The following CACNA1B variants were observed in gnomAD, a reference collection of about 807,000 sequenced individuals.
CACNA1B encodes voltage-dependent N-type calcium channel subunit alpha-1B.
Under a neutral mutation model 247.2 loss-of-function variants are expected in CACNA1B, and 70 were observed. The observed-to-expected ratio is 0.28, with a 90% CI of 0.23 to 0.35. The LOEUF (loss-of-function observed/expected upper bound fraction) is 0.35, where lower values mean the gene tolerates loss of function less well. Among genes scored for constraint, CACNA1B ranks in the 10% least tolerant of loss-of-function variants. CACNA1B has a pLI of 1.00. For missense variants in CACNA1B, 2,367 were observed against 3,197.4 expected (o/e 0.74, Z 6.26); for synonymous variants, 1,231 against 1,294.4 (o/e 0.95, Z 1.05).
chr9:138,117,870 G>A, intron 42 of CACNA1B, 76 bp from the exon 43 acceptor site: 2 of 1,230,410 alleles, frequency 1.6e-6, no homozygotes, highest in Non-Finnish European at 2.2e-6. Context: ...CGCCTGGCAG[G>A]TTGAAGCACC....
Position 137,891,799 on chromosome 9 carries a change from C to T in CACNA1B, c.530+8916C>T. 2.8e-6 allele frequency: 1 copy of T among 351,000 alleles called. No homozygotes were observed. 21.7% of individuals were successfully genotyped at this position (351,000 alleles called of 1,614,324 possible). ...GTGCCTGTGTGCAGCCCCACACGTG[C>T]TGAAGCATCTCTACTCCAGCCAGAC... is the stretch of plus-strand genomic sequence containing the variant. On this transcript the variant is annotated intron_variant, in intron 3 of 46. Coordinates refer to ENST00000371372, the MANE Select transcript of CACNA1B (RefSeq NM_000718.4). This position sits in a 1 kb window ranked among gnomAD's most constrained non-coding sequence, Gnocchi z 4.3.
chr9:138,000,481 A>G (rs1958563173), intron 15 of CACNA1B, among the ~76,000 whole-genome samples: 2 of 152,250 alleles, frequency 1.3e-5, no homozygotes, highest in South Asian at 4.1e-4. Context: ...TTTCATAATT[A>G]TAAAAGAAAT....
chr9:138,011,161 C>T lies in CACNA1B; in HGVS notation c.2160+1084C>T, dbSNP rs180845420. Among the ~76,000 whole-genome samples, 37 of 152,318 alleles carry T rather than the reference C, an allele frequency of 2.4e-4. No individual in the cohort carries two copies. The highest frequency in any genetic ancestry group is 3.4e-3 in the Middle Eastern group (1 of 294). On this transcript the variant is annotated intron_variant, in intron 17 of 46. Coordinates refer to ENST00000371372, the MANE Select transcript of CACNA1B (RefSeq NM_000718.4). The surrounding 1 kb of genome is among the most constrained non-coding windows in gnomAD (Gnocchi z 4.2). The stretch of plus-strand genomic sequence containing the variant: ...TCTCTGTTCCTGTCTTCAGCTGGGC[C>T]GCTTGGGTTGGGGGAGCCCAAGCCC...
Position 138,086,922 on chromosome 9 carries a change from A to AAAT in CACNA1B, c.5094+8664_5094+8665insAAT, listed in dbSNP as rs1960711455. Among the ~76,000 whole-genome samples the AAAT allele has an allele frequency of 2.0e-5, 3 of 151,216 alleles. No individual in the cohort carries two copies. In the South Asian group the frequency reaches 6.3e-4, roughly 32 times the overall value. Reference sequence around the variant, plus strand: ...GAGAGATCAGATGTTAGGCCACAAAACAAGTCTCAACAAATGTAAAATAAT... The same window carrying AAAT: ...GAGAGATCAGATGTTAGGCCACAAAAAATCAAGTCTCAACAAATGTAAAATAAT... On this transcript the variant is annotated intron_variant, in intron 36 of 46. Coordinates refer to ENST00000371372, the MANE Select transcript of CACNA1B (RefSeq NM_000718.4).
chr9:138,101,961 C>T (rs1961266669), intron 37 of CACNA1B, among the ~76,000 whole-genome samples: 1 of 152,152 alleles, frequency 6.6e-6, no homozygotes, highest in Admixed American at 6.5e-5. Context: ...TGCAACCTGC[C>T]CCTTTGCTGT....
intron 39 of CACNA1B, 98 bp from the exon 40 acceptor site, chr9:138,112,296 CCATT>C: frequency 2.6e-6 from 2 of 777,226 alleles, no homozygotes. Context: ...TCCGCCTACA[CCATT>C]CATCTCCCCA....
chr9:138,033,113 T>C (rs1386376945), intron 20 of CACNA1B, among the ~76,000 whole-genome samples: 1 of 152,206 alleles, frequency 6.6e-6, no homozygotes, highest in Non-Finnish European at 1.5e-5. Context: ...TCATTTCTAT[T>C]ATTCTATCTT....
Position 138,024,947 on chromosome 9 carries a change from G to T in CACNA1B, c.3069-8G>T, listed in dbSNP as rs1958902016. ...GCGCCGAGGCCTGATGTACATTCTT[G>T]ATTGCAGGGAGCCACACTGTGACCT... On this transcript the variant is annotated splice_region_variant and splice_polypyrimidine_tract_variant and intron_variant, in intron 19 of 46. Transcript: ENST00000371372. The T allele has an allele frequency of 1.3e-6, 2 of 1,561,206 alleles. No homozygotes were observed. Among genetic ancestry groups the T allele is most frequent in the East Asian group, 2.4e-5 (1 of 41,862 alleles).
At chr9:137,993,486 G>A (rs1467825464) in intron 15 of CACNA1B, among the ~76,000 whole-genome samples, 3 of 151,992 alleles carry the variant, frequency 2.0e-5, no homozygotes, top group Non-Finnish European at 4.4e-5. Flanking sequence ...CCAAATATAA[G>A]CTCAATTAGA....
intron 20 of CACNA1B, among the ~76,000 whole-genome samples, chr9:138,027,366 A>T (rs977427723): frequency 1.3e-5 from 2 of 152,272 alleles, no homozygotes; most frequent in Non-Finnish European, 2.9e-5. Flanking sequence ...CTGAATCCTC[A>T]AATTGTTTAT....
intron 3 of CACNA1B, among the ~76,000 whole-genome samples, chr9:137,892,785 A>C (rs1957121030): frequency 6.6e-6 from 1 of 152,150 alleles, no homozygotes; most frequent in Non-Finnish European, 1.5e-5. Flanking sequence ...GTGGGGAGGG[A>C]ATGGTGTCCC....
intron 42 of CACNA1B, 48 bp from the exon 43 acceptor site, chr9:138,117,898 C>G: frequency 6.7e-7 from 1 of 1,482,280 alleles, no homozygotes; most frequent in East Asian, 2.4e-5. Context: ...TGGTAAGGCA[C>G]CTGCAGTCTC....
chr9:138,063,146 C>T (rs1959793438), intron 31 of CACNA1B, among the ~76,000 whole-genome samples: 1 of 152,158 alleles, frequency 6.6e-6, no homozygotes, highest in African/African-American at 2.4e-5. Context: ...TGAAGAATGT[C>T]TTGGCAGGCA....
chr9:138,061,728 TG>T (rs1453028602), intron 31 of CACNA1B, among the ~76,000 whole-genome samples: 2 of 152,208 alleles, frequency 1.3e-5, no homozygotes, highest in African/African-American at 4.8e-5. Context: ...AACCCACACC[TG>T]GGATGTGGGT....
intron 6 of CACNA1B, among the ~76,000 whole-genome samples, chr9:137,928,012 T>C (rs531611022): frequency 6.6e-6 from 1 of 152,354 alleles, no homozygotes; most frequent in East Asian, 1.9e-4. Context: ...TCTCTTTATG[T>C]GTTGCTGAAT....
At position 137,914,592 on chromosome 9, in the gene CACNA1B, C is replaced by A; in HGVS notation, c.623-62C>A. 1 of 1,443,142 alleles carries A rather than the reference C, an allele frequency of 6.9e-7. No individual in the cohort carries two copies. The highest frequency in any genetic ancestry group is 9.6e-7 in the Non-Finnish European group (1 of 1,036,670). The allele number at this position is 1,443,142 out of a possible 1,614,324, so 89.4% of individuals were successfully genotyped here. A position where few individuals can be genotyped will look rare whatever the true frequency, so the allele number is the denominator to read the frequency against. ...GTTCCTGCTGTTCTGTCCCTGCCCC[C>A]ACCAAATTCCTTGCCCTACCCTGCC... On this transcript the variant is annotated intron_variant, in intron 4 of 46. Transcript: ENST00000371372. The surrounding 1 kb of genome is among the most constrained non-coding windows in gnomAD (Gnocchi z 4.3).
Position 137,888,722 on chromosome 9 carries a change from G to A in CACNA1B, c.530+5839G>A, listed in dbSNP as rs117581710. ...TGCACCAGGAGGGAGTCTGGTCAGC[G>A]GAGCTCAGGGGCCGAGGCACTGCTG... On this transcript the variant is annotated intron_variant, in intron 3 of 46. Coordinates refer to ENST00000371372, the MANE Select transcript of CACNA1B (RefSeq NM_000718.4). This position sits in a 1 kb window ranked among gnomAD's most constrained non-coding sequence, Gnocchi z 4.7. Among the ~76,000 whole-genome samples the A allele has an allele frequency of 5.6e-3, 850 of 152,322 alleles. 12 individuals are homozygous for A. The highest frequency in any genetic ancestry group is 0.04 in the East Asian group (205 of 5,182).
intron 3 of CACNA1B, among the ~76,000 whole-genome samples, chr9:137,889,001 G>A (rs1413353798): frequency 4.0e-5 from 6 of 150,248 alleles, no homozygotes; most frequent in East Asian, 1.9e-4. Flanking sequence ...CCCGCAAGGC[G>A]ACCTGACGCT....
Position 138,120,381 on chromosome 9 carries a change from G to C in CACNA1B, c.6238+9G>C. The C allele has an allele frequency of 6.5e-7, 1 of 1,539,984 alleles. No individual in the cohort carries two copies. Among genetic ancestry groups the C allele is most frequent in the Non-Finnish European group, 8.7e-7 (1 of 1,148,452 alleles). On this transcript the variant is annotated intron_variant, in intron 45 of 46. Coordinates refer to ENST00000371372, the MANE Select transcript of CACNA1B (RefSeq NM_000718.4). ...TGCCGATATGGATGGCGGTGCGTGC[G>C]GAGGGGCCCGGGGAGTCCTTCGGGG...
Sources: gnomAD v4.1 joint callset for allele counts (sites outside exome capture counted in the v4.1 genomes callset) on GRCh38, gnomAD v4.1.1 for gene constraint, Gnocchi (gnomAD v3.1) non-coding constraint, MANE v1.5 for transcripts, NCBI Gene and HGNC (gene_info 2026-07-23, HGNC 2026-07-21) for gene names.